Variants in DCLK2 observed in about 807,000 individuals in gnomAD.
DCLK2 encodes the protein serine/threonine-protein kinase DCLK2.
In DCLK2, 31 loss-of-function variants were observed where a neutral mutation model predicts 78.4. The ratio of observed to expected loss-of-function variants is 0.40; its 90% confidence interval spans 0.30 to 0.53. The LOEUF is 0.53. DCLK2 is among the 20% of genes least tolerant of loss of function. The pLI is 0.61. For missense variants in DCLK2, 872 were observed against 973.7 expected (o/e 0.90, Z 1.39); for synonymous variants, 407 against 374.9 (o/e 1.09, Z -0.99).
intron 15 of DCLK2, chr4:150,253,186 A>C (rs1268498915): frequency 6.1e-6 from 3 of 491,556 alleles, no homozygotes; most frequent in Non-Finnish European, 1.2e-5. Flanking sequence ...TACATTAAAA[A>C]TAACCTCAAA....
At chr4:150,113,791 CT>C (rs1243327764) in intron 2 of DCLK2, among the ~76,000 whole-genome samples, 1 of 148,962 alleles carries the variant, frequency 6.7e-6, no homozygotes, top group Non-Finnish European at 1.5e-5. Context: ...CTTCTGCTAG[CT>C]TTTGGTTTAG....
rs139833400 is a variant in DCLK2 at position 150,133,220 on chromosome 4, C to T, written c.756+30408C>T. On this transcript the variant is annotated intron_variant, in intron 2 of 15. Transcript: ENST00000296550. ...AAATGTGCCATGACCATGAAAAGAC[C>T]GTGAAAAGGACACGTGTTTACCATA... is the stretch of plus-strand genomic sequence containing the variant. 3.3e-3 allele frequency among the ~76,000 whole-genome samples: 509 copies of T among 152,182 alleles called. 1 individual carries two copies. The highest frequency in any genetic ancestry group is 4.5e-3 in the Non-Finnish European group (303 of 68,016).
intron 2 of DCLK2, among the ~76,000 whole-genome samples, chr4:150,163,944 T>C (rs904060242): frequency 6.6e-6 from 1 of 152,206 alleles, no homozygotes; most frequent in Non-Finnish European, 1.5e-5. Context: ...AACATCTGTT[T>C]TGCTTTTTGT....
At chr4:150,250,072 T>G (rs1743647094) in intron 15 of DCLK2, among the ~76,000 whole-genome samples, 1 of 152,204 alleles carries the variant, frequency 6.6e-6, no homozygotes, top group African/African-American at 2.4e-5. Context: ...GAGATGTGAA[T>G]TATTCTTTGA....
At chr4:150,171,640 T>C (rs1037093494) in intron 2 of DCLK2, among the ~76,000 whole-genome samples, 1 of 152,198 alleles carries the variant, frequency 6.6e-6, no homozygotes, top group African/African-American at 2.4e-5. Flanking sequence ...TGGGCCTTCT[T>C]GGAGAATATG....
chr4:150,079,487 C>G, intron 1 of DCLK2, 39 bp downstream of exon 1: 1 of 1,439,678 alleles, frequency 6.9e-7, no homozygotes, highest in Non-Finnish European at 9.1e-7. Flanking sequence ...TGCGGCGGAG[C>G]GCCGGCAGGT....
chr4:150,244,949 T>C (rs566635874), intron 12 of DCLK2, among the ~76,000 whole-genome samples: 2 of 151,216 alleles, frequency 1.3e-5, no homozygotes, highest in African/African-American at 4.8e-5. Context: ...TAACAAAATA[T>C]AAGATATTTG....
intron 1 of DCLK2, among the ~76,000 whole-genome samples, chr4:150,080,619 C>G (rs142380590): frequency 3.9e-5 from 6 of 152,220 alleles, no homozygotes; most frequent in Non-Finnish European, 7.3e-5. Context: ...ATTATCTCAG[C>G]ATGCTTTTCT....
intron 2 of DCLK2, among the ~76,000 whole-genome samples, chr4:150,180,876 T>C (rs147089373): frequency 8.5e-5 from 13 of 152,262 alleles, no homozygotes; most frequent in Non-Finnish European, 1.6e-4. Flanking sequence ...GAGCTGGCCA[T>C]AAAGAAATTA....
intron 2 of DCLK2, among the ~76,000 whole-genome samples, chr4:150,183,891 C>G (rs987304417): frequency 2.6e-5 from 4 of 151,998 alleles, no homozygotes; most frequent in Admixed American, 2.0e-4. Context: ...AGCCACCACA[C>G]CTGGCTCATT....
intron 1 of DCLK2, among the ~76,000 whole-genome samples, chr4:150,100,826 A>G (rs755695788): frequency 1.4e-4 from 22 of 152,242 alleles, no homozygotes; most frequent in Admixed American, 2.6e-4. Context: ...AAAAATCTCT[A>G]AACGGTGGTG....
chr4:150,102,384 G>T, intron 1 of DCLK2, 94 bp from the exon 2 acceptor site: 1 of 1,212,950 alleles, frequency 8.2e-7, no homozygotes, highest in South Asian at 1.5e-5. Flanking sequence ...TAAGGTTAAG[G>T]GTTCACTTAA....
chr4:150,253,811 T>C (rs2093909133), intron 15 of DCLK2: 2 of 985,458 alleles, frequency 2.0e-6, no homozygotes, highest in Non-Finnish European at 2.4e-6. Context: ...CCCATAGTTC[T>C]CCTACCGATG....
At chr4:150,084,479 C>A (rs1176912336) in intron 1 of DCLK2, among the ~76,000 whole-genome samples, 1 of 152,204 alleles carries the variant, frequency 6.6e-6, no homozygotes. Context: ...GTTGTCCCAT[C>A]TCATTTCCTT....
At chr4:150,126,226 A>G (rs1732910211) in intron 2 of DCLK2, among the ~76,000 whole-genome samples, 1 of 152,210 alleles carries the variant, frequency 6.6e-6, no homozygotes, top group Admixed American at 6.5e-5. Context: ...CTAATGAATA[A>G]TTAATTCATT....
intron 1 of DCLK2, among the ~76,000 whole-genome samples, chr4:150,082,086 T>C (rs1729340843): frequency 6.6e-6 from 1 of 152,184 alleles, no homozygotes; most frequent in South Asian, 2.1e-4. Context: ...GTTTCAACTT[T>C]TAATTAAAAT....
At chr4:150,187,614 A>T (rs1227447708) in intron 2 of DCLK2, among the ~76,000 whole-genome samples, 2 of 152,062 alleles carry the variant, frequency 1.3e-5, no homozygotes, top group East Asian at 3.8e-4. Flanking sequence ...TTCCTTAATG[A>T]GGTCAATAAT....
At chr4:150,239,382 G>A (rs1354009302) in intron 10 of DCLK2, among the ~76,000 whole-genome samples, 1 of 152,094 alleles carries the variant, frequency 6.6e-6, no homozygotes, top group Non-Finnish European at 1.5e-5. Flanking sequence ...CAGATCTCAC[G>A]ATCCCAGGAG....
chr4:150,091,807 G>A (rs1203293482), intron 1 of DCLK2, among the ~76,000 whole-genome samples: 2 of 149,052 alleles, frequency 1.3e-5, no homozygotes, highest in African/African-American at 2.5e-5. Flanking sequence ...GTGTGTGTGT[G>A]TATTTGTGTT....
Sources: gnomAD v4.1 joint callset for allele counts (sites outside exome capture counted in the v4.1 genomes callset) on GRCh38, gnomAD v4.1.1 for gene constraint, MANE v1.5 for transcripts, NCBI Gene and HGNC (gene_info 2026-07-23, HGNC 2026-07-21) for gene names.